The following VWC2L variants were observed in gnomAD, a reference collection of about 807,000 sequenced individuals.
The protein encoded by VWC2L is von Willebrand factor C domain-containing protein 2-like.
In VWC2L, 10 loss-of-function variants were observed where a neutral mutation model predicts 21.6. The ratio of observed to expected loss-of-function variants is 0.46; its 90% CI spans 0.29 to 0.78. The LOEUF is 0.78. Among genes scored for constraint, VWC2L ranks in the 30% least tolerant of loss-of-function variants. The pLI, the probability that VWC2L is intolerant of heterozygous loss-of-function variation, is 0.10. For synonymous variants in VWC2L, 96 were observed against 94.3 expected (o/e 1.02, Z -0.10); for missense variants, 209 against 277.1 (o/e 0.75, Z 1.74).
At chr2:214,517,423 T>C (rs1404850417) in intron 3 of VWC2L, among the ~76,000 whole-genome samples, 2 of 152,134 alleles carry the variant, frequency 1.3e-5, no homozygotes, top group Non-Finnish European at 2.9e-5. Context: ...TGGCTGCACG[T>C]CTCAATCAGT....
chr2:214,445,423 T>C (rs1159423761), intron 3 of VWC2L, among the ~76,000 whole-genome samples: 1 of 151,376 alleles, frequency 6.6e-6, no homozygotes, highest in Admixed American at 6.6e-5. Context: ...AGTAATATTA[T>C]AGAAAAAAAA....
At chr2:214,501,125 C>T (rs1421260400) in intron 3 of VWC2L, among the ~76,000 whole-genome samples, 1 of 152,112 alleles carries the variant, frequency 6.6e-6, no homozygotes, top group African/African-American at 2.4e-5. Context: ...ACTAAACCCC[C>T]AAATTATGCA....
chr2:214,502,610 T>C (rs988960921), intron 3 of VWC2L, among the ~76,000 whole-genome samples: 35 of 152,186 alleles, frequency 2.3e-4, no homozygotes, highest in African/African-American at 8.4e-4. Flanking sequence ...GAGCACAGTT[T>C]GCTGCTAGTT....
intron 3 of VWC2L, among the ~76,000 whole-genome samples, chr2:214,530,178 G>A (rs985719104): frequency 6.6e-6 from 1 of 152,054 alleles, no homozygotes; most frequent in Non-Finnish European, 1.5e-5. Flanking sequence ...TGCCAAGTGG[G>A]GCTCAAGCCA....
At chr2:214,477,091 C>T (rs1450421672) in intron 3 of VWC2L, among the ~76,000 whole-genome samples, 2 of 152,304 alleles carry the variant, frequency 1.3e-5, no homozygotes, top group Middle Eastern at 3.4e-3. Flanking sequence ...GCTAAAGCTA[C>T]GTGACACCTC....
intron 3 of VWC2L, among the ~76,000 whole-genome samples, chr2:214,446,016 T>C (rs1319752251): frequency 6.6e-6 from 1 of 152,226 alleles, no homozygotes; most frequent in Non-Finnish European, 1.5e-5. Flanking sequence ...AAATATTCAC[T>C]TAAGTATATC....
intron 3 of VWC2L, among the ~76,000 whole-genome samples, chr2:214,497,891 A>AT (rs1688834031): frequency 6.6e-6 from 1 of 152,220 alleles, no homozygotes; most frequent in Admixed American, 6.5e-5. Flanking sequence ...AATCTGTAGT[A>AT]TATGTGGATT....
At chr2:214,415,204 T>A (rs538466298) in intron 2 of VWC2L, 1 of 152,312 alleles carries the variant, frequency 6.6e-6, no homozygotes, top group African/African-American at 2.4e-5. Flanking sequence ...AAGACTGTAA[T>A]TTTTTTCAGC....
intron 3 of VWC2L, among the ~76,000 whole-genome samples, chr2:214,535,381 G>A (rs1232189527): frequency 6.6e-6 from 1 of 151,924 alleles, no homozygotes; most frequent in Non-Finnish European, 1.5e-5. Context: ...TCTGGTCCAA[G>A]ATTCTCATAC....
intron 3 of VWC2L, among the ~76,000 whole-genome samples, chr2:214,459,306 A>G (rs1703103164): frequency 6.6e-6 from 1 of 152,150 alleles, no homozygotes; most frequent in Non-Finnish European, 1.5e-5. Flanking sequence ...AGTGTCTTTA[A>G]GGGGGAAGTG....
intron 2 of VWC2L, among the ~76,000 whole-genome samples, chr2:214,423,064 G>C (rs1379088430): frequency 6.6e-6 from 1 of 152,098 alleles, no homozygotes; most frequent in African/African-American, 2.4e-5. Context: ...AATTACCAAA[G>C]CTCAGAAGGT....
chr2:214,421,883 A>ATTTTTTTTTTTTTTTTTTTTT (rs1574555783), intron 2 of VWC2L, among the ~76,000 whole-genome samples: 1 of 88,354 alleles, frequency 1.1e-5, no homozygotes, highest in Admixed American at 9.8e-5. Context: ...TATTTCCTAC[A>ATTTTTTTTTTTTTTTTTTTTT]TCTTTTTTTT....
At chr2:214,427,102 A>G (rs1365737618) in intron 2 of VWC2L, among the ~76,000 whole-genome samples, 1 of 152,264 alleles carries the variant, frequency 6.6e-6, no homozygotes, top group Non-Finnish European at 1.5e-5. Context: ...TTTTTAAAAA[A>G]GAAAATGCAA....
chr2:214,451,319 G>T (rs551326372), intron 3 of VWC2L, among the ~76,000 whole-genome samples: 26 of 147,268 alleles, frequency 1.8e-4, no homozygotes, highest in African/African-American at 5.7e-4. Context: ...GGGGGGGGGG[G>T]GCAGTAAAAG....
chr2:214,493,440 C>T (rs1283038908), intron 3 of VWC2L, among the ~76,000 whole-genome samples: 1 of 152,130 alleles, frequency 6.6e-6, no homozygotes, highest in African/African-American at 2.4e-5. Context: ...GACCCAGAGG[C>T]TCACAAATAT....
At chr2:214,456,327 G>A (rs1414238243) in intron 3 of VWC2L, among the ~76,000 whole-genome samples, 1 of 151,898 alleles carries the variant, frequency 6.6e-6, no homozygotes, top group Non-Finnish European at 1.5e-5. Context: ...GTTGGCTATT[G>A]GCATGTCTTC....
At chr2:214,509,814 C>T (rs1429152207) in intron 3 of VWC2L, among the ~76,000 whole-genome samples, 4 of 152,110 alleles carry the variant, frequency 2.6e-5, no homozygotes, top group Non-Finnish European at 5.9e-5. Context: ...GATAATGGCT[C>T]CCTTCCTATT....
At chr2:214,511,597 G>A (rs758690088) in intron 3 of VWC2L, among the ~76,000 whole-genome samples, 3 of 151,962 alleles carry the variant, frequency 2.0e-5, no homozygotes, top group South Asian at 2.1e-4. Context: ...AAACTGAATC[G>A]GCCATCACCT....
intron 2 of VWC2L, among the ~76,000 whole-genome samples, chr2:214,429,973 G>A (rs530119783): frequency 2.0e-5 from 3 of 151,926 alleles, no homozygotes; most frequent in African/African-American, 4.8e-5. Context: ...ACAGGCACCT[G>A]CCACCACGCC....
Sources: allele counts gnomAD v4.1 joint callset (sites outside exome capture counted in the v4.1 genomes callset), GRCh38; gene constraint gnomAD v4.1.1; transcripts MANE v1.5; gene names NCBI Gene and HGNC (gene_info 2026-07-23, HGNC 2026-07-21).